The following DACH2 variants were observed in gnomAD, a reference collection of about 807,000 sequenced individuals.
The protein encoded by DACH2 is dachshund family transcription factor 2.
A neutral mutation model predicts 35.8 loss-of-function variants in DACH2; 17 were observed. The ratio of observed to expected loss-of-function variants is 0.48; its 90% CI spans 0.33 to 0.71. The LOEUF is 0.71. Ranked by LOEUF, DACH2 falls within the 30% of genes least tolerant of loss-of-function variation. The pLI, the probability that DACH2 is intolerant of heterozygous loss-of-function variation, is 0.02. For synonymous variants in DACH2, 195 were observed against 177.3 expected, an observed-to-expected ratio of 1.10 and a Z score of -0.79; for missense variants, 469 against 472.7, an observed-to-expected ratio of 0.99 and a Z score of 0.07.
At chrX:86,273,217 C>T (rs2033847585) in intron 1 of DACH2, among the ~76,000 whole-genome samples, 1 of 111,704 alleles carries the variant, frequency 9.0e-6, no homozygotes, top group Admixed American at 9.5e-5. Context: ...TATTTTTTTA[C>T]CATGAATAAT....
chrX:86,512,958 A>G (rs1185187591), intron 2 of DACH2: 1 of 325,821 alleles, frequency 3.1e-6, no homozygotes, highest in East Asian at 9.7e-5. Flanking sequence ...AAATTGAAAC[A>G]TCAAATGAGA....
chrX:86,628,726 G>A (rs1169651351), intron 3 of DACH2, among the ~76,000 whole-genome samples: 2 of 111,858 alleles, frequency 1.8e-5, no homozygotes, highest in East Asian at 2.8e-4. Context: ...CATGACACTG[G>A]TTGAGAATCA....
chrX:86,328,588 A>C (rs953912592), intron 1 of DACH2, among the ~76,000 whole-genome samples: 1 of 111,712 alleles, frequency 9.0e-6, no homozygotes, highest in Admixed American at 9.5e-5. Flanking sequence ...AAAAAGCAAC[A>C]AAAAAAGAAA....
intron 1 of DACH2, among the ~76,000 whole-genome samples, chrX:86,275,659 A>G (rs1488467512): frequency 9.0e-6 from 1 of 111,250 alleles, no homozygotes; most frequent in Admixed American, 9.6e-5. Context: ...TTCTTTCTAT[A>G]TTTTCTGTAC....
At chrX:86,724,504 C>T (rs1250173340) in intron 6 of DACH2, among the ~76,000 whole-genome samples, 1 of 111,644 alleles carries the variant, frequency 9.0e-6, no homozygotes, top group Non-Finnish European at 1.9e-5. Flanking sequence ...TCTTTTAGCA[C>T]TTTGAAAATG....
intron 2 of DACH2, among the ~76,000 whole-genome samples, chrX:86,378,467 G>A (rs917226735): frequency 5.4e-5 from 6 of 110,519 alleles, no homozygotes; most frequent in Non-Finnish European, 1.1e-4. Context: ...CTTTTCCAAA[G>A]TGGTGGCTGT....
intron 7 of DACH2, among the ~76,000 whole-genome samples, chrX:86,798,079 C>T (rs906158529): frequency 8.9e-6 from 1 of 112,170 alleles, no homozygotes; most frequent in African/African-American, 3.2e-5. Context: ...TTTATTTGTT[C>T]CTCAGACATA....
intron 5 of DACH2, among the ~76,000 whole-genome samples, chrX:86,704,492 T>A (rs904398766): frequency 1.3e-4 from 14 of 111,400 alleles, no homozygotes; most frequent in Non-Finnish European, 1.9e-4. Context: ...AAAGTAATAA[T>A]CTTCAGAGTA....
chrX:86,206,242 G>A lies in DACH2; in HGVS notation c.488+57134G>A, dbSNP rs1484633239. ...ACTCTTTGGTATATACATTCAGCCT[G>A]TTTTTAGGTCATTTTCACTGGGGCA... On this transcript the variant is annotated intron_variant, in intron 1 of 11. Coordinates refer to ENST00000373125, the MANE Select transcript of DACH2 (RefSeq NM_053281.3). 2.8e-5 allele frequency among the ~76,000 whole-genome samples: 3 copies of A among 107,991 alleles called. No individual in the cohort carries two copies. The East Asian group carries it at 8.7e-4, about 31-fold the overall frequency. 93.8% of individuals were successfully genotyped at this position (107,991 alleles called of 115,157 possible). A position where few individuals can be genotyped will look rare whatever the true frequency, so the allele number is the denominator to read the frequency against.
At chrX:86,192,339 A>G (rs1453201688) in intron 1 of DACH2, among the ~76,000 whole-genome samples, 1 of 112,295 alleles carries the variant, frequency 8.9e-6, no homozygotes, top group Non-Finnish European at 1.9e-5. Context: ...TACAAATAAC[A>G]GGTGCTCAAT....
At chrX:86,761,772 C>T (rs2041884697) in intron 7 of DACH2, among the ~76,000 whole-genome samples, 1 of 110,674 alleles carries the variant, frequency 9.0e-6, no homozygotes, top group South Asian at 3.9e-4. Flanking sequence ...GAGTAGGATA[C>T]CAAATGAGCA....
intron 1 of DACH2, among the ~76,000 whole-genome samples, chrX:86,261,679 G>C: frequency 9.0e-6 from 1 of 111,159 alleles, no homozygotes; most frequent in Non-Finnish European, 1.9e-5. Flanking sequence ...TTTCATTCTG[G>C]GGCCCATACT....
At chrX:86,194,881 C>T (rs1246716596) in intron 1 of DACH2, among the ~76,000 whole-genome samples, 1 of 112,679 alleles carries the variant, frequency 8.9e-6, no homozygotes, top group South Asian at 3.7e-4. Flanking sequence ...GGGACCAGGC[C>T]GACTTGAGCA....
At chrX:86,639,231 G>A (rs994600757) in intron 3 of DACH2, among the ~76,000 whole-genome samples, 8 of 111,028 alleles carry the variant, frequency 7.2e-5, no homozygotes, top group African/African-American at 2.0e-4. Context: ...AAGCAAGACC[G>A]GAAAACAGCC....
chrX:86,545,371 G>T, intron 3 of DACH2, among the ~76,000 whole-genome samples: 1 of 110,892 alleles, frequency 9.0e-6, no homozygotes, highest in East Asian at 2.9e-4. Flanking sequence ...TGGACACAAA[G>T]AAGGGAGCAA....
chrX:86,357,484 A>G (rs1249778315), intron 1 of DACH2, among the ~76,000 whole-genome samples: 1 of 112,240 alleles, frequency 8.9e-6, no homozygotes, highest in Non-Finnish European at 1.9e-5. Context: ...CATAAGAAAC[A>G]TAGAGATAAA....
intron 7 of DACH2, among the ~76,000 whole-genome samples, chrX:86,755,618 TACAG>T (rs1298652637): frequency 1.9e-3 from 178 of 91,876 alleles, no homozygotes; most frequent in Admixed American, 3.6e-3. Context: ...TTTTTTTTGA[TACAG>T]AGTCTCACTC....
At chrX:86,698,301 G>C (rs5923600) in intron 5 of DACH2, among the ~76,000 whole-genome samples, 6,753 of 108,435 alleles carry the variant, frequency 0.062, 223 homozygotes, top group East Asian at 0.15. Flanking sequence ...CCCTTTAAAA[G>C]TGAAGGAGAA....
At chrX:86,620,403 T>G (rs1450972509) in intron 3 of DACH2, among the ~76,000 whole-genome samples, 2 of 111,477 alleles carry the variant, frequency 1.8e-5, no homozygotes, top group Non-Finnish European at 1.9e-5. Flanking sequence ...TGGGGAATAT[T>G]TTTTCCTTTT....
Sources: gnomAD v4.1 joint callset for allele counts (sites outside exome capture counted in the v4.1 genomes callset) on GRCh38, gnomAD v4.1.1 for gene constraint, MANE v1.5 for transcripts, NCBI Gene and HGNC (gene_info 2026-07-23, HGNC 2026-07-21) for gene names.